RNF19A: variants seen among roughly 807,000 people sequenced by gnomAD.
RNF19A encodes the protein E3 ubiquitin-protein ligase RNF19A.
RNF19A carries 32 observed loss-of-function variants against 75.7 expected under a neutral mutation model. That is an observed-to-expected ratio of 0.42 (90% CI 0.32 to 0.57). The LOEUF (loss-of-function observed/expected upper bound fraction) is 0.57, where lower values mean the gene tolerates loss of function less well. Ranked by LOEUF, RNF19A falls within the 20% of genes least tolerant of loss-of-function variation. The pLI is 0.10. For missense variants in RNF19A, 782 were observed against 1,036.3 expected (o/e 0.75, Z 3.37); for synonymous variants, 335 against 345.2 (o/e 0.97, Z 0.33).
intron 1 of RNF19A, among the ~76,000 whole-genome samples, chr8:100,316,765 G>GCC (rs1822383624): frequency 6.6e-6 from 1 of 152,244 alleles, no homozygotes; most frequent in Non-Finnish European, 1.5e-5. Flanking sequence ...CCCGCACCGT[G>GCC]CGCTCTCGCA....
At chr8:100,304,888 A>C (rs1418962013) in intron 1 of RNF19A, among the ~76,000 whole-genome samples, 2 of 152,336 alleles carry the variant, frequency 1.3e-5, no homozygotes, top group East Asian at 3.9e-4. Context: ...GAGTGTTTCA[A>C]AGGCATAATT....
chr8:100,272,356 C>CT (rs1230015172), intron 3 of RNF19A, among the ~76,000 whole-genome samples: 2 of 151,890 alleles, frequency 1.3e-5, no homozygotes, highest in African/African-American at 4.8e-5. Context: ...CACACATCTT[C>CT]AGTGACTGGG....
At position 100,287,405 on chromosome 8, in the gene RNF19A, T is replaced by C. The variant is rs537319181; in HGVS notation, c.674+96A>G. The stretch of plus-strand genomic sequence containing the variant: ...CTCAACATGTCTGTTGAATGAATTC[T>C]CCAGCATGTAAAAATTTTTCTTTTG... On this transcript the variant is annotated intron_variant, in intron 2 of 9. Transcript: ENST00000341084. The surrounding 1 kb of genome is among the most constrained non-coding windows in gnomAD (Gnocchi z 4.1). 3.4e-4 allele frequency: 381 copies of C among 1,116,516 alleles called. 5 individuals are homozygous for C. In the South Asian group the frequency reaches 5.5e-3, roughly 16 times the overall value. 69.2% of individuals were successfully genotyped at this position (1,116,516 alleles called of 1,614,324 possible). A position where few individuals can be genotyped will look rare whatever the true frequency, so the allele number is the denominator to read the frequency against.
chr8:100,258,112 T>C lies in RNF19A; in HGVS notation c.*444A>G, dbSNP rs1819538047. ...AGAAATGTTACAGAGTATCATATAC[T>C]GAGAGTAACCTATGCAGTTCTTTTA... On this transcript the variant is annotated 3_prime_UTR_variant, in exon 10 of 10. Coordinates refer to ENST00000341084, the MANE Select transcript of RNF19A (RefSeq NM_183419.4). This position sits in a 1 kb window ranked among gnomAD's most constrained non-coding sequence, Gnocchi z 4.3. 2.5e-6 allele frequency: 1 copy of C among 401,386 alleles called. No homozygotes were observed. The highest frequency in any genetic ancestry group is 4.4e-6 in the Non-Finnish European group (1 of 227,754). The allele number at this position is 401,386 out of a possible 1,614,324, so 24.9% of individuals were successfully genotyped here.
intron 2 of RNF19A, among the ~76,000 whole-genome samples, chr8:100,285,976 A>G (rs920233450): frequency 2.6e-5 from 4 of 152,192 alleles, no homozygotes; most frequent in South Asian, 2.1e-4. Flanking sequence ...ATGACTCACA[A>G]AAAGTTTTTT....
At chr8:100,293,362 T>C (rs945516340) in intron 1 of RNF19A, among the ~76,000 whole-genome samples, 1 of 152,228 alleles carries the variant, frequency 6.6e-6, no homozygotes. Flanking sequence ...TTTATGGATA[T>C]TTTTGCTGAA....
intron 1 of RNF19A, among the ~76,000 whole-genome samples, chr8:100,335,754 G>A (rs1822672010): frequency 6.6e-6 from 1 of 152,224 alleles, no homozygotes; most frequent in African/African-American, 2.4e-5. Flanking sequence ...GCACTGGACA[G>A]TGACGGTGGC....
Position 100,258,153 on chromosome 8 carries a change from T to C in RNF19A, c.*403A>G, listed in dbSNP as rs1452354061. On this transcript the variant is annotated 3_prime_UTR_variant, in exon 10 of 10. Coordinates refer to ENST00000341084, the MANE Select transcript of RNF19A (RefSeq NM_183419.4). This position sits in a 1 kb window ranked among gnomAD's most constrained non-coding sequence, Gnocchi z 4.3. ...AGTTCTTTTAAACTTATCTCTTTAGTGGTTTCAATAAAATATCACTAACCA... is the reference window on the plus strand; with the variant it reads ...AGTTCTTTTAAACTTATCTCTTTAGCGGTTTCAATAAAATATCACTAACCA... 2 of 406,574 alleles carry C rather than the reference T, an allele frequency of 4.9e-6. No homozygotes were observed. Among genetic ancestry groups the C allele is most frequent in the African/African-American group, 4.1e-5 (2 of 48,630 alleles). The allele number at this position is 406,574 out of a possible 1,614,324, so 25.2% of individuals were successfully genotyped here. A position where few individuals can be genotyped will look rare whatever the true frequency, so the allele number is the denominator to read the frequency against.
At chr8:100,278,011 G>A (rs1273374322) in intron 2 of RNF19A, among the ~76,000 whole-genome samples, 2 of 152,198 alleles carry the variant, frequency 1.3e-5, no homozygotes, top group Non-Finnish European at 2.9e-5. Context: ...AATTTACAAA[G>A]GCAGCAAAGA....
At chr8:100,303,874 G>T (rs1192963310) in intron 1 of RNF19A, among the ~76,000 whole-genome samples, 2 of 151,992 alleles carry the variant, frequency 1.3e-5, no homozygotes, top group African/African-American at 4.8e-5. Context: ...GAGGCGGAGG[G>T]TGCAGTAAGC....
chr8:100,318,180 T>C (rs1329025523), intron 1 of RNF19A, among the ~76,000 whole-genome samples: 1 of 152,240 alleles, frequency 6.6e-6, no homozygotes, highest in Non-Finnish European at 1.5e-5. Context: ...GCACCTGGTA[T>C]AGTTGTGTTT....
Position 100,259,751 on chromosome 8 carries a change from C to A in RNF19A, c.1826+103G>T. ...CTCACTGTTTCCTTTTCTCAGAGAA[C>A]TTAATAGTTGGTAGCCACTTTTCAC... On this transcript the variant is annotated intron_variant, in intron 9 of 9. Coordinates refer to ENST00000341084, the MANE Select transcript of RNF19A (RefSeq NM_183419.4). The surrounding 1 kb of genome is among the most constrained non-coding windows in gnomAD (Gnocchi z 4.5). The A allele has an allele frequency of 4.9e-6, 5 of 1,018,430 alleles. No individual in the cohort carries two copies. Among genetic ancestry groups the A allele is most frequent in the Non-Finnish European group, 7.2e-6 (5 of 698,590 alleles). 63.1% of individuals were successfully genotyped at this position (1,018,430 alleles called of 1,614,324 possible).
intron 1 of RNF19A, among the ~76,000 whole-genome samples, chr8:100,298,562 T>G (rs1325503978): frequency 6.6e-6 from 1 of 152,150 alleles, no homozygotes; most frequent in African/African-American, 2.4e-5. Context: ...GTTTCTATAA[T>G]CTCTCAGAAA....
intron 3 of RNF19A, among the ~76,000 whole-genome samples, chr8:100,274,306 G>T (rs1455789242): frequency 6.6e-6 from 1 of 152,116 alleles, no homozygotes; most frequent in Non-Finnish European, 1.5e-5. Flanking sequence ...ACTCTTCAGG[G>T]AACAGTTTAG....
At chr8:100,327,504 G>C (rs937856565) in intron 1 of RNF19A, among the ~76,000 whole-genome samples, 3 of 152,052 alleles carry the variant, frequency 2.0e-5, no homozygotes, top group Non-Finnish European at 4.4e-5. Flanking sequence ...TCCCGCCTCG[G>C]CCTCCCAAAC....
chr8:100,304,520 C>A (rs1410903678), intron 1 of RNF19A, among the ~76,000 whole-genome samples: 3 of 152,184 alleles, frequency 2.0e-5, no homozygotes, highest in African/African-American at 2.4e-5. Context: ...ACATTACTTA[C>A]CAGTTCCCAC....
chr8:100,302,954 T>C (rs533694449), intron 1 of RNF19A, among the ~76,000 whole-genome samples: 1 of 152,342 alleles, frequency 6.6e-6, no homozygotes, highest in South Asian at 2.1e-4. Flanking sequence ...TGGAGGGTAT[T>C]AAAACACTTC....
intron 2 of RNF19A, among the ~76,000 whole-genome samples, chr8:100,283,429 T>C (rs1820874623): frequency 6.6e-6 from 1 of 152,242 alleles, no homozygotes; most frequent in Non-Finnish European, 1.5e-5. Flanking sequence ...CTGTGAGGAC[T>C]GGCATGTTCT....
At chr8:100,335,324 C>A (rs1822665801) in intron 1 of RNF19A, among the ~76,000 whole-genome samples, 2 of 152,128 alleles carry the variant, frequency 1.3e-5, no homozygotes, top group Admixed American at 1.3e-4. Flanking sequence ...GAAAGATGTA[C>A]TATTATTATC....
Sources: allele counts gnomAD v4.1 joint callset (sites outside exome capture counted in the v4.1 genomes callset), GRCh38; gene constraint gnomAD v4.1.1; non-coding constraint Gnocchi (gnomAD v3.1); transcripts MANE v1.5; gene names NCBI Gene and HGNC (gene_info 2026-07-23, HGNC 2026-07-21).